PCDH11X: variants seen among roughly 807,000 people sequenced by gnomAD.
PCDH11X encodes protocadherin 11 X-linked, also known as protocadherin-11 X-linked.
PCDH11X carries 18 observed loss-of-function variants against 53.3 expected under a neutral mutation model. That is an observed-to-expected ratio of 0.34 (90% confidence interval 0.23 to 0.50). The LOEUF is 0.50. PCDH11X is among the 20% of genes least tolerant of loss of function. PCDH11X has a pLI of 0.98. For synonymous variants in PCDH11X, 279 were observed against 393.3 expected (o/e 0.71, Z 3.44); for missense variants, 570 against 1,032.4 (o/e 0.55, Z 6.14).
At chrX:91,974,806 G>T (rs1448446565) in intron 6 of PCDH11X, among the ~76,000 whole-genome samples, 4 of 109,197 alleles carry the variant, frequency 3.7e-5, no homozygotes, top group South Asian at 8.0e-4. Flanking sequence ...AGGCTGGAGT[G>T]CAATGGCCCG....
At chrX:92,331,138 A>G (rs2069454855) in intron 8 of PCDH11X, among the ~76,000 whole-genome samples, 1 of 108,962 alleles carries the variant, frequency 9.2e-6, no homozygotes, top group Admixed American at 1.0e-4. Flanking sequence ...GCTACATCTT[A>G]AATGATGTTT....
chrX:92,156,239 TC>T (rs1355955945), intron 6 of PCDH11X, among the ~76,000 whole-genome samples: 6 of 109,672 alleles, frequency 5.5e-5, no homozygotes, highest in Non-Finnish European at 1.9e-5. Context: ...TCATCTCCTA[TC>T]CGCCCCCCCA....
At chrX:92,133,991 G>A (rs904451029) in intron 6 of PCDH11X, among the ~76,000 whole-genome samples, 4 of 111,625 alleles carry the variant, frequency 3.6e-5, no homozygotes, top group African/African-American at 9.7e-5. Context: ...GGATCAGTCC[G>A]GAAAGGTGGG....
At chrX:92,515,983 A>G (rs1241436866) in intron 10 of PCDH11X, among the ~76,000 whole-genome samples, 1 of 112,207 alleles carries the variant, frequency 8.9e-6, no homozygotes, top group African/African-American at 3.2e-5. Context: ...GTAAATGGGT[A>G]TAGTTCATAT....
intron 10 of PCDH11X, among the ~76,000 whole-genome samples, chrX:92,481,972 A>G (rs984660425): frequency 4.0e-5 from 4 of 99,826 alleles, no homozygotes; most frequent in African/African-American, 1.5e-4. Flanking sequence ...CCCTTGCAGT[A>G]TTCCCAGCTT....
chrX:92,513,657 A>T (rs1232594076), intron 10 of PCDH11X, among the ~76,000 whole-genome samples: 2 of 110,961 alleles, frequency 1.8e-5, no homozygotes, highest in East Asian at 5.6e-4. Context: ...AAACTTTTCA[A>T]TTTGAAAAGT....
At chrX:92,419,668 CCTTTTTTT>C (rs2071909234) in intron 9 of PCDH11X, among the ~76,000 whole-genome samples, 1 of 88,298 alleles carries the variant, frequency 1.1e-5, no homozygotes, top group Non-Finnish European at 2.1e-5. Context: ...CTCCCTCCAC[CCTTTTTTT>C]TTTTTTTTTT....
At chrX:92,591,726 C>A (rs1404430118) in intron 10 of PCDH11X, among the ~76,000 whole-genome samples, 1 of 111,422 alleles carries the variant, frequency 9.0e-6, no homozygotes, top group Non-Finnish European at 1.9e-5. Context: ...AGAGGACAAG[C>A]GGTCTGAGAT....
At chrX:92,590,767 T>A (rs1924951121) in intron 10 of PCDH11X, among the ~76,000 whole-genome samples, 1 of 110,043 alleles carries the variant, frequency 9.1e-6, no homozygotes, top group African/African-American at 3.3e-5. Flanking sequence ...GTTGTGTGTG[T>A]TTGTATTTGT....
intron 4 of PCDH11X, among the ~76,000 whole-genome samples, chrX:91,819,611 G>A (rs1360438753): frequency 3.7e-5 from 4 of 107,361 alleles, no homozygotes; most frequent in Non-Finnish European, 7.7e-5. Flanking sequence ...TTGGTGACCC[G>A]AATCTCCAGC....
intron 5 of PCDH11X, among the ~76,000 whole-genome samples, chrX:91,853,131 AAT>A (rs1938125759): frequency 9.2e-6 from 1 of 108,688 alleles, no homozygotes; most frequent in East Asian, 2.9e-4. Context: ...ACAAATTCAT[AAT>A]ATGTTATAAT....
chrX:91,960,715 C>T (rs909342851), intron 6 of PCDH11X, among the ~76,000 whole-genome samples: 1 of 111,463 alleles, frequency 9.0e-6, no homozygotes, highest in African/African-American at 3.3e-5. Context: ...TGAGCCACCA[C>T]ACCTGGCCAG....
intron 6 of PCDH11X, among the ~76,000 whole-genome samples, chrX:92,172,499 C>G (rs2065840004): frequency 9.2e-6 from 1 of 108,951 alleles, no homozygotes; most frequent in African/African-American, 3.3e-5. Context: ...AAGGAATCCT[C>G]CTGCCTCAGC....
chrX:92,104,353 T>G (rs2064329661), intron 6 of PCDH11X, among the ~76,000 whole-genome samples: 1 of 110,215 alleles, frequency 9.1e-6, no homozygotes, highest in African/African-American at 3.3e-5. Context: ...TTGGGGTTGG[T>G]ACTGAGGGGA....
chrX:92,239,882 T>C (rs959910981), intron 7 of PCDH11X, among the ~76,000 whole-genome samples: 3 of 112,230 alleles, frequency 2.7e-5, no homozygotes, highest in Non-Finnish European at 5.6e-5. Context: ...GCCACTTCTA[T>C]ATTGCTCACC....
chrX:92,342,107 C>A (rs2069776426), intron 8 of PCDH11X, among the ~76,000 whole-genome samples: 1 of 111,444 alleles, frequency 9.0e-6, no homozygotes, highest in African/African-American at 3.3e-5. Context: ...CAGTAGTCAT[C>A]AGATAGAAGC....
At chrX:92,060,729 T>C (rs2063512713) in intron 6 of PCDH11X, among the ~76,000 whole-genome samples, 1 of 111,234 alleles carries the variant, frequency 9.0e-6, no homozygotes, top group African/African-American at 3.3e-5. Context: ...TAGTTTAACA[T>C]TGATGGGCAT....
At chrX:92,255,032 G>A (rs1160455671) in intron 7 of PCDH11X, among the ~76,000 whole-genome samples, 1 of 98,137 alleles carries the variant, frequency 1.0e-5, no homozygotes. Context: ...ATCCTGCAGA[G>A]TGTTTTCCAA....
chrX:92,296,465 T>C (rs2068611908), intron 8 of PCDH11X, among the ~76,000 whole-genome samples: 1 of 108,483 alleles, frequency 9.2e-6, no homozygotes, highest in Non-Finnish European at 1.9e-5. Context: ...GTACTCAATA[T>C]TTAGCTCCCA....
Sources: gnomAD v4.1 joint callset for allele counts (sites outside exome capture counted in the v4.1 genomes callset) on GRCh38, gnomAD v4.1.1 for gene constraint, MANE v1.5 for transcripts, NCBI Gene and HGNC (gene_info 2026-07-23, HGNC 2026-07-21) for gene names.